The following RGS7 variants were observed in gnomAD, a reference collection of about 807,000 sequenced individuals.
RGS7 encodes the protein regulator of G protein signaling 7, also known as regulator of G-protein signaling 7.
A neutral mutation model predicts 81.1 loss-of-function variants in RGS7; 27 were observed. The observed-to-expected ratio is 0.33, with a 90% CI of 0.25 to 0.46. The LOEUF (loss-of-function observed/expected upper bound fraction) is 0.46. Among genes scored for constraint, RGS7 ranks in the 20% least tolerant of loss-of-function variants. RGS7 has a pLI of 1.00. For missense variants in RGS7, 396 were observed against 607.4 expected (o/e 0.65, Z 3.66); for synonymous variants, 208 against 207.7 (o/e 1.00, Z -0.01).
chr1:240,788,441 C>T (rs139517424), intron 18 of RGS7, among the ~76,000 whole-genome samples: 1 of 152,134 alleles, frequency 6.6e-6, no homozygotes, highest in East Asian at 1.9e-4. Context: ...AGCATTGGTA[C>T]ATCTAGGGCA....
chr1:241,075,161 A>C (rs1410841808), intron 3 of RGS7, among the ~76,000 whole-genome samples: 1 of 152,176 alleles, frequency 6.6e-6, no homozygotes, highest in African/African-American at 2.4e-5. Context: ...AGATTTGTAC[A>C]TTTAAAGGCT....
intron 2 of RGS7, among the ~76,000 whole-genome samples, chr1:241,128,237 A>G (rs1197142946): frequency 6.7e-6 from 1 of 150,334 alleles, no homozygotes; most frequent in Non-Finnish European, 1.5e-5. Flanking sequence ...AGATTGCGCC[A>G]CTGCACTCCA....
intron 7 of RGS7, 60 bp downstream of exon 7, chr1:240,869,995 T>C: frequency 7.6e-7 from 1 of 1,315,128 alleles, no homozygotes; most frequent in Non-Finnish European, 1.1e-6. Context: ...CAGAAAAGGC[T>C]GTGGGCCTTA....
At chr1:241,196,615 T>C (rs1573079980) in intron 2 of RGS7, among the ~76,000 whole-genome samples, 1 of 152,040 alleles carries the variant, frequency 6.6e-6, no homozygotes, top group African/African-American at 2.4e-5. Context: ...ATACAATTTA[T>C]TGAAGAACAA....
Position 240,868,484 on chromosome 1 carries a change from G to T in RGS7, c.609+103C>A, listed in dbSNP as rs149961850. The T allele has an allele frequency of 4.3e-6, 4 of 925,172 alleles. No homozygotes were observed. The highest frequency in any genetic ancestry group is 3.2e-5 in the African/African-American group (2 of 61,640). The allele number at this position is 925,172 out of a possible 1,614,324, so 57.3% of individuals were successfully genotyped here. A position where few individuals can be genotyped will look rare whatever the true frequency, so the allele number is the denominator to read the frequency against. On this transcript the variant is annotated intron_variant, in intron 9 of 18. Transcript: ENST00000440928. This position sits in a 1 kb window ranked among gnomAD's most constrained non-coding sequence, Gnocchi z 5.1. ...TGAATTCACCAAGATACCATGGAGC[G>T]TGCATGGGGTCACTACAGTCTTTCA...
At chr1:241,127,573 A>G (rs967529766) in intron 2 of RGS7, among the ~76,000 whole-genome samples, 2 of 152,212 alleles carry the variant, frequency 1.3e-5, no homozygotes, top group Admixed American at 6.5e-5. Flanking sequence ...GGATAGCGTT[A>G]GGAGATATAC....
chr1:241,278,717 G>A (rs188105582), intron 2 of RGS7, among the ~76,000 whole-genome samples: 6 of 152,064 alleles, frequency 3.9e-5, no homozygotes, highest in South Asian at 2.1e-4. Context: ...CTGTTGCGCC[G>A]CTAGCATTGA....
At chr1:241,161,256 C>T (rs183311491) in intron 2 of RGS7, among the ~76,000 whole-genome samples, 2 of 152,134 alleles carry the variant, frequency 1.3e-5, no homozygotes, top group African/African-American at 4.8e-5. Flanking sequence ...TCAGAGAATC[C>T]GTGAGTTCTT....
intron 9 of RGS7, among the ~76,000 whole-genome samples, chr1:240,840,586 T>C (rs141794040): frequency 2.0e-5 from 3 of 152,364 alleles, no homozygotes; most frequent in African/African-American, 7.2e-5. Flanking sequence ...CTGGCCTTCT[T>C]TGTGTACCAG....
Position 240,798,728 on chromosome 1 carries a change from T to C in RGS7, c.*6+1913A>G, listed in dbSNP as rs1316355013. 2.0e-5 allele frequency among the ~76,000 whole-genome samples: 3 copies of C among 152,174 alleles called. 1 individual carries two copies. The highest frequency in any genetic ancestry group is 4.4e-5 in the Non-Finnish European group (3 of 68,026). On this transcript the variant is annotated intron_variant, in intron 18 of 18. Transcript: ENST00000440928. ...ATATGGATTAAATTAGATAATATTA[T>C]AAAGCGCCCAGTGCAGAGCCTGGTA... is the stretch of plus-strand genomic sequence containing the variant.
intron 2 of RGS7, among the ~76,000 whole-genome samples, chr1:241,202,916 G>A (rs562187601): frequency 1.4e-3 from 206 of 152,184 alleles, no homozygotes; most frequent in Non-Finnish European, 2.5e-3. Context: ...AGGAGGGAAC[G>A]AGGTCAGAGA....
At chr1:241,215,464 C>T (rs561703105) in intron 2 of RGS7, among the ~76,000 whole-genome samples, 6 of 152,270 alleles carry the variant, frequency 3.9e-5, no homozygotes, top group East Asian at 3.9e-4. Flanking sequence ...GACTATTTCC[C>T]GAATAAATGA....
chr1:240,809,924 C>T (rs1361746), intron 14 of RGS7, among the ~76,000 whole-genome samples: 71,481 of 151,944 alleles, frequency 0.47, 18,451 homozygotes, highest in Non-Finnish European at 0.58. Context: ...TAGATATAAT[C>T]ACTTAGCCTA....
intron 2 of RGS7, among the ~76,000 whole-genome samples, chr1:241,221,057 A>AAGAGAG (rs1169899552): frequency 7.2e-5 from 9 of 125,740 alleles, no homozygotes; most frequent in African/African-American, 2.6e-4. Flanking sequence ...GAAAGAAAGA[A>AAGAGAG]AGAGAGAGAG....
intron 6 of RGS7, among the ~76,000 whole-genome samples, chr1:240,916,109 C>CAAA (rs60839025): frequency 1.0e-3 from 74 of 70,918 alleles, no homozygotes; most frequent in African/African-American, 2.3e-3. Flanking sequence ...CTAAAAATAC[C>CAAA]AAAAAAAAAA....
intron 3 of RGS7, among the ~76,000 whole-genome samples, chr1:240,999,671 T>A (rs1420073358): frequency 6.6e-6 from 1 of 152,102 alleles, no homozygotes; most frequent in African/African-American, 2.4e-5. Context: ...TGTGATCTTG[T>A]CTCAGTGCAA....
intron 4 of RGS7, among the ~76,000 whole-genome samples, chr1:240,982,519 C>A (rs752487418): frequency 1.3e-5 from 2 of 150,764 alleles, no homozygotes; most frequent in Non-Finnish European, 2.9e-5. Context: ...AAAAATTGTT[C>A]CCTTACTTTG....
At chr1:240,873,636 T>C (rs905716317) in intron 6 of RGS7, among the ~76,000 whole-genome samples, 1 of 152,166 alleles carries the variant, frequency 6.6e-6, no homozygotes, top group African/African-American at 2.4e-5. Flanking sequence ...CTTTAATTTA[T>C]AAAGCTCTAG....
Position 241,211,015 on chromosome 1 carries a change from G to A in RGS7, c.79-112253C>T, listed in dbSNP as rs376222465. Among the ~76,000 whole-genome samples the A allele has an allele frequency of 3.9e-5, 6 of 152,166 alleles. No individual in the cohort carries two copies. In the East Asian group the frequency reaches 9.7e-4, roughly 24 times the overall value. On this transcript the variant is annotated intron_variant, in intron 2 of 18. Transcript: ENST00000440928. ...ATTTAGTAAATATTGGCCAGGTGTG[G>A]GGCTCATGCCTGTAATCCCAGCACT...
Sources: allele counts gnomAD v4.1 joint callset (sites outside exome capture counted in the v4.1 genomes callset), GRCh38; gene constraint gnomAD v4.1.1; non-coding constraint Gnocchi (gnomAD v3.1); transcripts MANE v1.5; gene names NCBI Gene and HGNC (gene_info 2026-07-23, HGNC 2026-07-21).